TPH1: variants seen among roughly 807,000 people sequenced by gnomAD.
The protein encoded by TPH1 is tryptophan 5-hydroxylase 1.
TPH1 carries 37 observed loss-of-function variants against 49.5 expected under a neutral mutation model. The ratio of observed to expected loss-of-function variants is 0.75; its 90% CI spans 0.58 to 0.98. The LOEUF is 0.98. Among genes scored for constraint, TPH1 ranks in the 50% least tolerant of loss-of-function variants. The pLI is 0.00. For missense variants in TPH1, 487 were observed against 523.6 expected (o/e 0.93, Z 0.68); for synonymous variants, 160 against 182.1 (o/e 0.88, Z 0.98).
At chr11:18,041,318 G>A (rs577934812) in intron 1 of TPH1, 6 of 152,738 alleles carry the variant, frequency 3.9e-5, no homozygotes, top group African/African-American at 1.4e-4. Context: ...CTGCTAGCCA[G>A]GAGAATTCTA....
intron 2 of TPH1, among the ~76,000 whole-genome samples, chr11:18,039,101 T>C (rs1041828758): frequency 2.6e-5 from 4 of 152,212 alleles, no homozygotes; most frequent in Non-Finnish European, 5.9e-5. Flanking sequence ...ATATGGTATG[T>C]GTTAGGTAAG....
intron 8 of TPH1, among the ~76,000 whole-genome samples, 195 bp downstream of exon 8, chr11:18,025,380 C>T (rs1346059785): frequency 6.6e-6 from 1 of 150,928 alleles, no homozygotes; most frequent in African/African-American, 2.4e-5. Flanking sequence ...TTATCCTTTC[C>T]TCTCTTTTCT....
At chr11:18,029,436 A>G in intron 5 of TPH1, 75 bp from the exon 6 acceptor site, 7 of 1,557,458 alleles carry the variant, frequency 4.5e-6, no homozygotes, top group Non-Finnish European at 5.3e-6. Context: ...CTTTCTACTT[A>G]CCAAATGAAC....
chr11:18,042,807 C>T (rs943125138), intron 1 of TPH1, among the ~76,000 whole-genome samples: 1 of 152,094 alleles, frequency 6.6e-6, no homozygotes, highest in Non-Finnish European at 1.5e-5. Context: ...ATTTTTCTTG[C>T]CCTAGGAATT....
chr11:18,034,070 A>G (rs900952518), intron 3 of TPH1, among the ~76,000 whole-genome samples: 14 of 152,098 alleles, frequency 9.2e-5, no homozygotes, highest in Admixed American at 4.6e-4. Flanking sequence ...GGCTTTTACT[A>G]TGTTTTATTA....
At position 18,019,669 on chromosome 11, in the gene TPH1, C is replaced by T. The variant is rs771566090; in HGVS notation, c.*1322G>A. ...TGAAGTCATGTATCTGGGTGACATT[C>T]CCCATGAAGAGATGGCAAAAAGAGT... On this transcript the variant is annotated 3_prime_UTR_variant, in exon 11 of 11. Coordinates refer to ENST00000682019, the MANE Select transcript of TPH1 (RefSeq NM_004179.3). The T allele has an allele frequency of 2.2e-5, 10 of 462,126 alleles. No homozygotes were observed. Among genetic ancestry groups the T allele is most frequent in the Non-Finnish European group, 3.9e-5 (9 of 229,828 alleles). The allele number at this position is 462,126 out of a possible 1,614,324, so 28.6% of individuals were successfully genotyped here.
In TPH1 at chr11:18,044,421, C is replaced by CA. The variant is rs959572435; in HGVS notation, c.-27+1819dup. ...CAGGTGACAGAGCAAGACTGCGTCT[C>CA]AAAAAAAAAGATGTGGAAACACTCC... On this transcript the variant is annotated intron_variant, in intron 1 of 10. Coordinates refer to ENST00000682019, the MANE Select transcript of TPH1 (RefSeq NM_004179.3). Among the ~76,000 whole-genome samples, 19 of 149,962 alleles carry CA rather than the reference C, an allele frequency of 1.3e-4. 1 individual carries two copies. In the East Asian group the frequency reaches 2.5e-3, roughly 20 times the overall value.
At chr11:18,035,856 A>G (rs956869136) in intron 3 of TPH1, 103 bp downstream of exon 3, 1 of 990,540 alleles carries the variant, frequency 1.0e-6, no homozygotes, top group Non-Finnish European at 1.5e-6. Context: ...AGCAATTTGG[A>G]GAGCTTGTGT....
Position 18,021,030 on chromosome 11 carries a change from A to G in TPH1, c.1296T>C (p.Ser432=), listed in dbSNP as rs1854355382. 6.2e-7 allele frequency: 1 copy of G among 1,613,968 alleles called. No individual in the cohort carries two copies. The highest frequency in any genetic ancestry group is 1.7e-5 in the Admixed American group (1 of 59,992). Residue 432 remains serine (S), a synonymous_variant, in exon 11 of 11, where the codon AGT becomes AGC. Transcript: ENST00000682019. Reference sequence around the variant, plus strand: ...TCCTGCTGACCTTAGCAAGGGCATCACTGACAACATCGAGATCATGCTGCA... The same window carrying G: ...TCCTGCTGACCTTAGCAAGGGCATCGCTGACAACATCGAGATCATGCTGCA... ...NELQHDLDVV[S]DALAKVSRKP...
At chr11:18,044,844 A>G (rs1848127625) in intron 1 of TPH1, among the ~76,000 whole-genome samples, 2 of 152,236 alleles carry the variant, frequency 1.3e-5, no homozygotes, top group Non-Finnish European at 2.9e-5. Context: ...TCTCATCAAT[A>G]CATAAGCATT....
intron 1 of TPH1, chr11:18,042,433 C>T (rs190070614): frequency 2.2e-5 from 9 of 411,638 alleles, no homozygotes; most frequent in African/African-American, 4.2e-5. Flanking sequence ...TGTCCTAAAG[C>T]GTGAAAATGT....
chr11:18,043,314 A>C (rs1426228747), intron 1 of TPH1, among the ~76,000 whole-genome samples: 2 of 152,160 alleles, frequency 1.3e-5, no homozygotes, highest in African/African-American at 4.8e-5. Flanking sequence ...TTCATATAAA[A>C]CTATATGAGG....
At chr11:18,037,190 C>G (rs1342218692) in intron 2 of TPH1, among the ~76,000 whole-genome samples, 2 of 151,954 alleles carry the variant, frequency 1.3e-5, no homozygotes, top group Non-Finnish European at 2.9e-5. Flanking sequence ...AAGACCCTGT[C>G]TCTACAAAAA....
In TPH1 at chr11:18,026,518, T is replaced by G; in HGVS notation, c.775A>C (p.Ser259Arg). 6.2e-7 allele frequency: 1 copy of G among 1,613,736 alleles called. No homozygotes were observed. The highest frequency in any genetic ancestry group is 8.5e-7 in the Non-Finnish European group (1 of 1,179,954). The change falls in exon 7 of 11, where the codon AGT (serine) becomes CGT (arginine). Residue 259 changes from serine (S) to arginine (R), a missense_variant. Transcript: ENST00000682019. ...VFHCTQYVRH[S>R]SDPFYTPEPD... ...TCTGGGGTATAGAAGGGATCTGAAC[T>G]GTGTCTCACATATTGAGTGCAGTGA... is the stretch of plus-strand genomic sequence containing the variant.
Position 18,026,490 on chromosome 11 carries a change from G to A in TPH1, c.803C>T (p.Pro268Leu), listed in dbSNP as rs1254633416. ...HSSDPFYTPE[P>L]DTCHELLGHV... is the part of the protein sequence containing the mutation. Reference sequence around the variant, plus strand: ...TCCTGGCTGAAATAGAAGTACTTACGGCTCTGGGGTATAGAAGGGATCTGA... The same window carrying A: ...TCCTGGCTGAAATAGAAGTACTTACAGCTCTGGGGTATAGAAGGGATCTGA... The change falls in exon 7 of 11, where the codon CCA (proline) becomes CTA (leucine). Residue 268 changes from proline (P) to leucine (L), a missense_variant and splice_region_variant. Coordinates refer to ENST00000682019, the MANE Select transcript of TPH1 (RefSeq NM_004179.3). 12 of 1,612,546 alleles carry A rather than the reference G, an allele frequency of 7.4e-6. No individual in the cohort carries two copies. The highest frequency in any genetic ancestry group is 3.3e-5 in the Admixed American group (2 of 59,856).
At chr11:18,022,677 T>C in intron 10 of TPH1, 121 bp downstream of exon 10, 1 of 1,048,050 alleles carries the variant, frequency 9.5e-7, no homozygotes, top group Non-Finnish European at 1.4e-6. Flanking sequence ...GAAGATGTGT[T>C]ACAGACAGAA....
chr11:18,032,206 A>AT (rs898606852), intron 4 of TPH1, among the ~76,000 whole-genome samples: 1 of 152,106 alleles, frequency 6.6e-6, no homozygotes, highest in Non-Finnish European at 1.5e-5. Context: ...AGATTTACTA[A>AT]TTCTCCAACT....
At position 18,019,678 on chromosome 11, in the gene TPH1, G is replaced by C; in HGVS notation, c.*1313C>G. 2.2e-6 allele frequency: 1 copy of C among 463,082 alleles called. No individual in the cohort carries two copies. The highest frequency in any genetic ancestry group is 4.3e-6 in the Non-Finnish European group (1 of 230,324). The allele number at this position is 463,082 out of a possible 1,614,324, so 28.7% of individuals were successfully genotyped here. On this transcript the variant is annotated 3_prime_UTR_variant, in exon 11 of 11. Transcript: ENST00000682019. ...GTATCTGGGTGACATTCCCCATGAA[G>C]AGATGGCAAAAAGAGTAGAAGTGCA... is the stretch of plus-strand genomic sequence containing the variant.
At chr11:18,032,768 G>A (rs981634687) in intron 4 of TPH1, among the ~76,000 whole-genome samples, 14 of 151,362 alleles carry the variant, frequency 9.2e-5, no homozygotes, top group Non-Finnish European at 2.9e-5. Context: ...GGATGATCTC[G>A]ATCTCCTGAC....
Sources: gnomAD v4.1 joint callset for allele counts (sites outside exome capture counted in the v4.1 genomes callset) on GRCh38, gnomAD v4.1.1 for gene constraint, MANE v1.5 for transcripts, NCBI Gene and HGNC (gene_info 2026-07-23, HGNC 2026-07-21) for gene names.